MTUS2: variants seen among roughly 807,000 people sequenced by gnomAD.
MTUS2 encodes the protein microtubule-associated tumor suppressor candidate 2.
A neutral mutation model predicts 114.1 loss-of-function variants in MTUS2; 40 were observed. That is an observed-to-expected ratio of 0.35 (90% CI 0.27 to 0.46). The LOEUF is 0.46. Ranked by LOEUF, MTUS2 falls within the 20% of genes least tolerant of loss-of-function variation. The pLI, the probability that MTUS2 is intolerant of heterozygous loss-of-function variation, is 1.00. For missense variants in MTUS2, 1,679 were observed against 1,705.4 expected (o/e 0.98, Z 0.27); for synonymous variants, 688 against 672.0 (o/e 1.02, Z -0.37).
chr13:29,202,329 T>A (rs920245382), intron 5 of MTUS2, among the ~76,000 whole-genome samples: 1 of 152,226 alleles, frequency 6.6e-6, no homozygotes, highest in Non-Finnish European at 1.5e-5. Flanking sequence ...TTCATGAAGT[T>A]CATATGCTAT....
intron 5 of MTUS2, among the ~76,000 whole-genome samples, chr13:29,116,105 G>T (rs1891075915): frequency 1.3e-5 from 2 of 152,118 alleles, no homozygotes; most frequent in African/African-American, 2.4e-5. Context: ...CCATAAATCT[G>T]CTTCCATGCC....
At chr13:28,935,877 G>A (rs909913721) in intron 2 of MTUS2, among the ~76,000 whole-genome samples, 1 of 152,042 alleles carries the variant, frequency 6.6e-6, no homozygotes, top group Admixed American at 6.5e-5. Flanking sequence ...CTCCTGAGTA[G>A]CTGGGACCAC....
chr13:29,295,970 A>G (rs1442862494), intron 6 of MTUS2, among the ~76,000 whole-genome samples: 1 of 152,264 alleles, frequency 6.6e-6, no homozygotes, highest in South Asian at 2.1e-4. Context: ...GGTAGCTACA[A>G]TTCAAGATGA....
intron 4 of MTUS2, among the ~76,000 whole-genome samples, chr13:29,087,859 C>A (rs1889760770): frequency 6.6e-6 from 1 of 152,106 alleles, no homozygotes; most frequent in South Asian, 2.1e-4. Flanking sequence ...GAGATTGAGA[C>A]CATCCTGGCT....
intron 2 of MTUS2, among the ~76,000 whole-genome samples, chr13:28,956,448 C>G (rs1352634948): frequency 6.6e-6 from 1 of 152,146 alleles, no homozygotes; most frequent in African/African-American, 2.4e-5. Flanking sequence ...GTTGGCTTCC[C>G]ACCTTTGTAT....
intron 2 of MTUS2, among the ~76,000 whole-genome samples, chr13:28,972,914 C>G (rs1382466358): frequency 6.6e-6 from 1 of 152,134 alleles, no homozygotes; most frequent in Non-Finnish European, 1.5e-5. Flanking sequence ...TAAATTCTTT[C>G]CCTGTGCCCC....
intron 2 of MTUS2, among the ~76,000 whole-genome samples, chr13:28,895,012 A>G (rs1879181292): frequency 6.6e-6 from 1 of 152,260 alleles, no homozygotes; most frequent in African/African-American, 2.4e-5. Flanking sequence ...GGATTAAAGA[A>G]TGTATTTCGA....
At chr13:29,469,839 GT>G (rs201039499) in intron 9 of MTUS2, among the ~76,000 whole-genome samples, 1 of 151,028 alleles carries the variant, frequency 6.6e-6, no homozygotes, top group Non-Finnish European at 1.5e-5. Context: ...ATAAAATTTA[GT>G]TTTTTTAAAA....
chr13:28,969,610 C>T (rs903285292), intron 2 of MTUS2, among the ~76,000 whole-genome samples: 1 of 152,030 alleles, frequency 6.6e-6, no homozygotes, highest in African/African-American at 2.4e-5. Context: ...TCAAGCCATT[C>T]TCCTGCCTCA....
At chr13:29,099,988 C>T (rs180819837) in intron 4 of MTUS2, among the ~76,000 whole-genome samples, 2 of 152,248 alleles carry the variant, frequency 1.3e-5, no homozygotes, top group East Asian at 3.9e-4. Flanking sequence ...TTGCACATAT[C>T]TGGGAACTAA....
In MTUS2 at chr13:29,436,856, C is replaced by T. The variant is rs575836990; in HGVS notation, c.3118-3127C>T. Among the ~76,000 whole-genome samples, 7 of 147,706 alleles carry T rather than the reference C, an allele frequency of 4.7e-5. No individual in the cohort carries two copies. In the East Asian group the frequency reaches 1.4e-3, roughly 30 times the overall value. ...TTTTACATTCTCACTTGGTTTCCAT[C>T]AATCTTATTTGTGTTTCTCCTAAAG... On this transcript the variant is annotated intron_variant, in intron 8 of 15. Coordinates refer to ENST00000612955, the MANE Select transcript of MTUS2 (RefSeq NM_001033602.4).
intron 5 of MTUS2, among the ~76,000 whole-genome samples, chr13:29,156,353 ATGTATCACC>A (rs1352687382): frequency 6.6e-6 from 1 of 152,108 alleles, no homozygotes; most frequent in East Asian, 1.9e-4. Context: ...GTGATCTTGA[ATGTATCACC>A]TATAAAAATA....
chr13:28,908,048 G>A lies in MTUS2; in HGVS notation c.-243+68198G>A, dbSNP rs112332022. On this transcript the variant is annotated intron_variant, in intron 2 of 15. Coordinates refer to ENST00000612955, the MANE Select transcript of MTUS2 (RefSeq NM_001033602.4). ...GTGTTGTGTCTTGGTGTGAATTTTG[G>A]GGGGTTTATCCCATTTGGAATCCAC... is the stretch of plus-strand genomic sequence containing the variant. Among the ~76,000 whole-genome samples, 175 of 151,428 alleles carry A rather than the reference G, an allele frequency of 1.2e-3. 4 individuals are homozygous for A. Among genetic ancestry groups the A allele is most frequent in the African/African-American group, 4.0e-3 (166 of 41,086 alleles).
chr13:28,847,853 G>A (rs1365145865), intron 2 of MTUS2, among the ~76,000 whole-genome samples: 2 of 152,156 alleles, frequency 1.3e-5, no homozygotes, highest in South Asian at 2.1e-4. Flanking sequence ...GCCTCTGGGC[G>A]CCAACGTTAT....
chr13:29,158,906 G>A (rs771982340), intron 5 of MTUS2, among the ~76,000 whole-genome samples: 2 of 152,276 alleles, frequency 1.3e-5, no homozygotes, highest in African/African-American at 2.4e-5. Context: ...GCCCACCAGC[G>A]GGAGACTGGC....
At chr13:29,432,983 A>C (rs1421753208) in intron 8 of MTUS2, among the ~76,000 whole-genome samples, 2 of 152,240 alleles carry the variant, frequency 1.3e-5, no homozygotes, top group African/African-American at 4.8e-5. Context: ...AGAAGGATCA[A>C]GAAACTTCTT....
rs117615572 is a variant in MTUS2, at chr13:29,313,813, A to G, written c.2807-10800A>G. On this transcript the variant is annotated intron_variant, in intron 6 of 15. Transcript: ENST00000612955. ...GAGAAGGCACCAAGAACTTCCCAAG[A>G]GAGCAGACAGATCACACACAAAAGG... Among the ~76,000 whole-genome samples the G allele has an allele frequency of 1.4e-4, 21 of 152,300 alleles. No individual in the cohort carries two copies. In the East Asian group the frequency reaches 3.5e-3, roughly 25 times the overall value.
At chr13:28,903,690 T>C (rs1879793644) in intron 2 of MTUS2, among the ~76,000 whole-genome samples, 1 of 151,916 alleles carries the variant, frequency 6.6e-6, no homozygotes, top group Non-Finnish European at 1.5e-5. Flanking sequence ...TGGTTCCAAG[T>C]CTTTGCTATT....
At chr13:29,128,143 A>G (rs771233442) in intron 5 of MTUS2, among the ~76,000 whole-genome samples, 3 of 152,228 alleles carry the variant, frequency 2.0e-5, no homozygotes, top group Non-Finnish European at 4.4e-5. Flanking sequence ...GGACAGACAG[A>G]CAGAATAGCC....
Sources: gnomAD v4.1 joint callset for allele counts (sites outside exome capture counted in the v4.1 genomes callset) on GRCh38, gnomAD v4.1.1 for gene constraint, MANE v1.5 for transcripts, NCBI Gene and HGNC (gene_info 2026-07-23, HGNC 2026-07-21) for gene names.